Variants in NDUFAF7 observed in about 807,000 individuals in gnomAD.
The protein encoded by NDUFAF7 is protein arginine methyltransferase NDUFAF7, mitochondrial.
NDUFAF7 carries 48 observed loss-of-function variants against 47.2 expected under a neutral mutation model. The observed-to-expected ratio is 1.02, with a 90% CI of 0.81 to 1.29. The LOEUF (loss-of-function observed/expected upper bound fraction) is 1.29. Among genes scored for constraint, NDUFAF7 ranks in the 50% most tolerant of loss-of-function variants. The pLI is 0.00. For synonymous variants in NDUFAF7, 217 were observed against 190.0 expected, an observed-to-expected ratio of 1.14 and a Z score of -1.17; for missense variants, 635 against 537.6, an observed-to-expected ratio of 1.18 and a Z score of -1.79.
At chr2:37,253,733 T>A (rs556397685), downstream of NDUFAF7, among the ~76,000 whole-genome samples, 7 of 152,112 alleles carry the variant, frequency 4.6e-5, no homozygotes, top group Non-Finnish European at 8.8e-5. Flanking sequence ...GTAGATGAGA[T>A]TACATTTGTT....
chr2:37,242,263 G>C (rs1023369691), intron 5 of NDUFAF7: 4 of 261,112 alleles, frequency 1.5e-5, no homozygotes, highest in African/African-American at 2.3e-5. Flanking sequence ...AAGCCAAAGT[G>C]GGGGTACGAT....
chr2:37,243,924 TGAG>T lies in NDUFAF7; in HGVS notation c.745_747del (p.Arg249del), dbSNP rs1284235464. ...ATTGATCCACAGGTTTCTGATAAAC[TGAG>T]GTTTGTTTTGGCACCTTCTGCCACC... On this transcript the variant is annotated inframe_deletion, in exon 7 of 10. Coordinates refer to ENST00000002125, the MANE Select transcript of NDUFAF7 (RefSeq NM_144736.5). The T allele has an allele frequency of 1.2e-6, 2 of 1,614,134 alleles. No individual in the cohort carries two copies.
downstream of NDUFAF7, chr2:37,251,900 A>G (rs533376839): frequency 2.0e-5 from 3 of 152,322 alleles, no homozygotes; most frequent in Middle Eastern, 3.4e-3. Context: ...AAGGTTTACA[A>G]TGATTACTGA....
downstream of NDUFAF7, among the ~76,000 whole-genome samples, chr2:37,250,310 A>G (rs186764864): frequency 7.2e-5 from 11 of 152,254 alleles, no homozygotes; most frequent in Admixed American, 7.2e-4. Flanking sequence ...GGCTCCTCTC[A>G]GATATGTTAA....
intron 7 of NDUFAF7, among the ~76,000 whole-genome samples, chr2:37,245,800 G>A (rs1324545252): frequency 6.6e-6 from 1 of 152,176 alleles, no homozygotes; most frequent in African/African-American, 2.4e-5. Context: ...GGGGGATTGG[G>A]AGGGCATTTG....
At chr2:37,257,669 AAG>A (rs1448763325), downstream of NDUFAF7, among the ~76,000 whole-genome samples, 1,704 of 28,466 alleles carry the variant, frequency 0.06, 112 homozygotes, top group African/African-American at 0.2. Context: ...TCTGTCTCAA[AAG>A]AAAAAAAAAA....
At chr2:37,265,857 A>G in the NDUFAF7 span, among the ~76,000 whole-genome samples, 1 of 152,184 alleles carries the variant, frequency 6.6e-6, no homozygotes, top group African/African-American at 2.4e-5. Flanking sequence ...GGTTATTCCT[A>G]AATTTAGTTA....
At chr2:37,269,565 C>T in the NDUFAF7 span, 1 of 1,489,030 alleles carries the variant, frequency 6.7e-7, no homozygotes, top group Non-Finnish European at 9.4e-7. Flanking sequence ...TTTACATTTT[C>T]CAGTTTTTAA....
chr2:37,236,105 G>C lies in NDUFAF7; in HGVS notation c.226G>C (p.Val76Leu). The C allele has an allele frequency of 1.2e-6, 2 of 1,612,462 alleles. No homozygotes were observed. The highest frequency in any genetic ancestry group is 1.7e-6 in the Non-Finnish European group (2 of 1,178,650). The part of the protein sequence containing the change: ...VLTNPAKGYY[V>L]YRDMLGEKGD... ...TTCTCTTTTTACTCAGGGTTATTAT[G>C]TGTACCGTGACATGCTAGGCGAAAA... Residue 76 changes from valine (V) to leucine (L), a missense_variant, in exon 3 of 10, where the codon GTG (valine) becomes CTG (leucine). By Grantham distance (32) the Val-to-Leu change is conservative. Transcript: ENST00000002125.
chr2:37,249,022 C>T lies in NDUFAF7; in HGVS notation c.*672C>T, dbSNP rs1421934989. 2.6e-5 allele frequency: 4 copies of T among 152,146 alleles called. No homozygotes were observed. The highest frequency in any genetic ancestry group is 6.5e-5 in the Admixed American group (1 of 15,268). The allele number at this position is 152,146 out of a possible 1,614,324, so 9.4% of individuals were successfully genotyped here. ...GATATATGTTATTTTTTTAAATGAGCTAGGGCAATATGTTTTGACAGAAAA... is the reference window on the plus strand; with the variant it reads ...GATATATGTTATTTTTTTAAATGAGTTAGGGCAATATGTTTTGACAGAAAA... On this transcript the variant is annotated 3_prime_UTR_variant, in exon 10 of 10. Coordinates refer to ENST00000002125, the MANE Select transcript of NDUFAF7 (RefSeq NM_144736.5).
At position 37,235,358 on chromosome 2, in the gene NDUFAF7, C is replaced by T. The variant is rs577843412; in HGVS notation, c.217-738C>T. ...TCAATGAATTTTCACAAAGCAAATG[C>T]TCCCATGTAACCAGCACCCAAATCA... On this transcript the variant is annotated intron_variant, in intron 2 of 9. Transcript: ENST00000002125. Among the ~76,000 whole-genome samples the T allele has an allele frequency of 2.0e-5, 3 of 152,148 alleles. No individual in the cohort carries two copies. The South Asian group carries it at 6.2e-4, about 32-fold the overall frequency.
rs73927405 is a variant in NDUFAF7 at position 37,231,728 on chromosome 2, G to A, written c.23G>A (p.Gly8Asp). MSVLLRS[G>D]LGPLCAVARA... ...AGCATGAGTGTACTGCTGAGGTCAGGTTTGGGGCCGTTGTGTGCCGTGGCG... is the reference window on the plus strand; with the variant it reads ...AGCATGAGTGTACTGCTGAGGTCAGATTTGGGGCCGTTGTGTGCCGTGGCG... Residue 8 changes from glycine to aspartate, a missense_variant, in exon 1 of 10, where the codon GGT becomes GAT. Physicochemically the swap from Gly to Asp is moderately conservative, Grantham distance 94 (BLOSUM62 -1). Transcript: ENST00000002125. 466 of 1,614,216 alleles carry A rather than the reference G, an allele frequency of 2.9e-4. 2 individuals carry two copies. The African/African-American group carries it at 5.6e-3, about 19-fold the overall frequency.
downstream of NDUFAF7, among the ~76,000 whole-genome samples, chr2:37,257,736 G>C (rs1181023788): frequency 6.8e-6 from 1 of 146,376 alleles, no homozygotes; most frequent in Non-Finnish European, 1.5e-5. Flanking sequence ...CTTAATCCTA[G>C]AATCTCTTTT....
At chr2:37,260,624 C>T in the NDUFAF7 span, among the ~76,000 whole-genome samples, 1 of 152,170 alleles carries the variant, frequency 6.6e-6, no homozygotes, top group Non-Finnish European at 1.5e-5. Context: ...TATATAATCA[C>T]TCTTGTCCAT....
Position 37,248,472 on chromosome 2 carries a change from C to T in NDUFAF7, c.*122C>T, listed in dbSNP as rs1667160494. Reference sequence around the variant, plus strand: ...TTATCTTTTCACAGCAAGAACAGTCCATGTTGTATATAATACAACCAACAT... The same window carrying T: ...TTATCTTTTCACAGCAAGAACAGTCTATGTTGTATATAATACAACCAACAT... On this transcript the variant is annotated 3_prime_UTR_variant, in exon 10 of 10. Coordinates refer to ENST00000002125, the MANE Select transcript of NDUFAF7 (RefSeq NM_144736.5). 5.1e-6 allele frequency: 5 copies of T among 977,898 alleles called. No homozygotes were observed. The highest frequency in any genetic ancestry group is 1.9e-5 in the Admixed American group (1 of 52,512). The allele number at this position is 977,898 out of a possible 1,614,324, so 60.6% of individuals were successfully genotyped here. A position where few individuals can be genotyped will look rare whatever the true frequency, so the allele number is the denominator to read the frequency against.
At chr2:37,243,828 C>A (rs770057984) in intron 6 of NDUFAF7, 35 bp from the exon 7 acceptor site, 12 of 1,569,670 alleles carry the variant, frequency 7.6e-6, no homozygotes, top group Admixed American at 5.0e-5. Context: ...AACAAACTTG[C>A]AAAAATTTGT....
intron 9 of NDUFAF7, 32 bp from the exon 10 acceptor site, chr2:37,248,103 G>C: frequency 6.5e-7 from 1 of 1,534,556 alleles, no homozygotes. Context: ...CTGTCTTCTG[G>C]TTATTTTTGC....
chr2:37,250,992 G>A (rs1352079805), downstream of NDUFAF7: 5 of 152,562 alleles, frequency 3.3e-5, no homozygotes, highest in African/African-American at 9.7e-5. Flanking sequence ...TACAAAGAGT[G>A]CAATTAATTT....
At chr2:37,253,219 G>T, downstream of NDUFAF7, 1 of 1,611,850 alleles carries the variant, frequency 6.2e-7, no homozygotes, top group Non-Finnish European at 8.5e-7. Context: ...GAGCCATAAT[G>T]AAGTGCTTTG....
Sources: allele counts gnomAD v4.1 joint callset (sites outside exome capture counted in the v4.1 genomes callset), GRCh38; gene constraint gnomAD v4.1.1; transcripts MANE v1.5; gene names NCBI Gene and HGNC (gene_info 2026-07-23, HGNC 2026-07-21).